Variants in MTA3 observed in about 807,000 individuals in gnomAD.
The protein encoded by MTA3 is metastasis associated 1 family member 3, also known as metastasis-associated protein MTA3.
Under a neutral mutation model 83.5 loss-of-function variants are expected in MTA3, and 34 were observed. That is an observed-to-expected ratio of 0.41 (90% CI 0.31 to 0.54). MTA3 has a LOEUF of 0.54. Among genes scored for constraint, MTA3 ranks in the 20% least tolerant of loss-of-function variants. The pLI is 0.33. For missense variants in MTA3, 761 were observed against 726.4 expected (o/e 1.05, Z -0.55); for synonymous variants, 303 against 252.7 (o/e 1.20, Z -1.89).
intron 2 of MTA3, among the ~76,000 whole-genome samples, chr2:42,535,625 T>C (rs915165201): frequency 6.6e-6 from 1 of 152,196 alleles, no homozygotes; most frequent in African/African-American, 2.4e-5. Flanking sequence ...ATCTAGCTTC[T>C]AGAGAGGGTG....
At chr2:42,736,895 C>A (rs917314819) in intron 16 of MTA3, among the ~76,000 whole-genome samples, 5 of 152,172 alleles carry the variant, frequency 3.3e-5, no homozygotes, top group Admixed American at 6.5e-5. Context: ...TTTCTTCCTG[C>A]TTGAAGTGTG....
intron 16 of MTA3, among the ~76,000 whole-genome samples, chr2:42,751,719 T>C (rs973335497): frequency 6.6e-6 from 1 of 152,196 alleles, no homozygotes; most frequent in Non-Finnish European, 1.5e-5. Flanking sequence ...AAGCACAATT[T>C]ACCATGGCAG....
chr2:42,555,927 C>G (rs1455348164), intron 2 of MTA3, among the ~76,000 whole-genome samples: 1 of 151,632 alleles, frequency 6.6e-6, no homozygotes, highest in Non-Finnish European at 1.5e-5. Flanking sequence ...TAAAAAGTAG[C>G]CAGACATGGT....
chr2:42,656,344 A>T, intron 7 of MTA3, 42 bp downstream of exon 7: 1 of 1,273,048 alleles, frequency 7.9e-7, no homozygotes, highest in South Asian at 1.4e-5. Context: ...AAATTTCTTT[A>T]TATAAAAGAA....
At chr2:42,577,534 G>A (rs1347200136) in intron 2 of MTA3, among the ~76,000 whole-genome samples, 2 of 150,798 alleles carry the variant, frequency 1.3e-5, no homozygotes, top group Non-Finnish European at 2.9e-5. Flanking sequence ...AGGCTGGAGT[G>A]CAGTGGTGTG....
Position 42,722,591 on chromosome 2 carries a change from C to A in MTA3, c.1613-298C>A, listed in dbSNP as rs1667501858. Among the ~76,000 whole-genome samples, 6 of 152,266 alleles carry A rather than the reference C, an allele frequency of 3.9e-5. No homozygotes were observed. In the South Asian group the frequency reaches 1.2e-3, roughly 32 times the overall value. On this transcript the variant is annotated intron_variant, in intron 15 of 16. Transcript: ENST00000405094. Reference sequence around the variant, plus strand: ...ATCTTGAGGAGTCAGATGCCTTATTCCCTTAGTAAATCACATGTTGTATGT... The same window carrying A: ...ATCTTGAGGAGTCAGATGCCTTATTACCTTAGTAAATCACATGTTGTATGT...
chr2:42,701,838 G>C (rs900309253), intron 11 of MTA3, among the ~76,000 whole-genome samples: 1 of 151,780 alleles, frequency 6.6e-6, no homozygotes, highest in Admixed American at 6.6e-5. Context: ...GCTTGAACCT[G>C]CCGGGGGCAG....
At chr2:42,649,811 C>G (rs1323066232) in intron 6 of MTA3, among the ~76,000 whole-genome samples, 1 of 152,142 alleles carries the variant, frequency 6.6e-6, no homozygotes, top group Non-Finnish European at 1.5e-5. Context: ...AAATTACATT[C>G]TGCATTCGAT....
chr2:42,668,599 C>G (rs1690508449), intron 8 of MTA3, among the ~76,000 whole-genome samples: 1 of 152,118 alleles, frequency 6.6e-6, no homozygotes, highest in South Asian at 2.1e-4. Flanking sequence ...GTGCATTTGT[C>G]TTTTTCACCC....
At chr2:42,592,065 A>C (rs1180824884) in intron 3 of MTA3, among the ~76,000 whole-genome samples, 1 of 151,742 alleles carries the variant, frequency 6.6e-6, no homozygotes, top group African/African-American at 2.4e-5. Context: ...GGAGTTGGAG[A>C]CCAGTCTGGG....
At chr2:42,512,990 C>T (rs1339680556) in intron 2 of MTA3, among the ~76,000 whole-genome samples, 1 of 152,180 alleles carries the variant, frequency 6.6e-6, no homozygotes, top group Non-Finnish European at 1.5e-5. Context: ...CATCAATTCT[C>T]CCAGACTGTG....
intron 5 of MTA3, among the ~76,000 whole-genome samples, chr2:42,642,587 A>G (rs1687789579): frequency 1.3e-5 from 2 of 152,148 alleles, no homozygotes; most frequent in African/African-American, 4.8e-5. Flanking sequence ...AAGCAAAACA[A>G]AAAAATCAAA....
intron 6 of MTA3, among the ~76,000 whole-genome samples, chr2:42,650,359 C>G (rs1688594181): frequency 6.6e-6 from 1 of 152,154 alleles, no homozygotes; most frequent in Non-Finnish European, 1.5e-5. Context: ...AATTATAATA[C>G]TATGTACATT....
intron 2 of MTA3, among the ~76,000 whole-genome samples, chr2:42,574,066 G>C (rs960435687): frequency 6.7e-6 from 1 of 150,188 alleles, no homozygotes; most frequent in African/African-American, 2.5e-5. Context: ...TCGATCTCCT[G>C]ACCTTGTGAT....
intron 9 of MTA3, among the ~76,000 whole-genome samples, chr2:42,688,062 A>T (rs1282592119): frequency 3.3e-5 from 5 of 152,346 alleles, no homozygotes; most frequent in Middle Eastern, 3.4e-3. Context: ...TGATACAGCC[A>T]CTTGGGAAAA....
chr2:42,504,969 C>T (rs1380045875), intron 2 of MTA3, among the ~76,000 whole-genome samples: 1 of 152,140 alleles, frequency 6.6e-6, no homozygotes, highest in Non-Finnish European at 1.5e-5. Flanking sequence ...TGACCCTTCT[C>T]CCCATCACCA....
chr2:42,556,259 G>A (rs555048996), intron 2 of MTA3, among the ~76,000 whole-genome samples: 1 of 152,224 alleles, frequency 6.6e-6, no homozygotes, highest in Non-Finnish European at 1.5e-5. Context: ...TCTCCCGAAA[G>A]CCTATAGATC....
At chr2:42,556,076 A>C (rs1159575824) in intron 2 of MTA3, among the ~76,000 whole-genome samples, 2 of 151,562 alleles carry the variant, frequency 1.3e-5, no homozygotes, top group African/African-American at 4.9e-5. Context: ...TGTCTCAAAA[A>C]ACAAAAGCAA....
chr2:42,727,542 T>A (rs1304459068), intron 16 of MTA3, among the ~76,000 whole-genome samples: 1 of 152,126 alleles, frequency 6.6e-6, no homozygotes, highest in Non-Finnish European at 1.5e-5. Flanking sequence ...CTGGAAAACA[T>A]TTCCATGTCA....
Sources: allele counts gnomAD v4.1 joint callset (sites outside exome capture counted in the v4.1 genomes callset), GRCh38; gene constraint gnomAD v4.1.1; transcripts MANE v1.5; gene names NCBI Gene and HGNC (gene_info 2026-07-23, HGNC 2026-07-21).